Variants in ZCCHC24 observed in about 807,000 individuals in gnomAD.
ZCCHC24 encodes zinc finger CCHC-type containing 24.
A neutral mutation model predicts 26.2 loss-of-function variants in ZCCHC24; 10 were observed. That is an observed-to-expected ratio of 0.38 (90% CI 0.24 to 0.65). The LOEUF is 0.65. Ranked by LOEUF, ZCCHC24 falls within the 30% of genes least tolerant of loss-of-function variation. The pLI, the probability that ZCCHC24 is intolerant of heterozygous loss-of-function variation, is 0.54. For missense variants in ZCCHC24, 243 were observed against 329.1 expected (o/e 0.74, Z 2.03); for synonymous variants, 144 against 147.1 (o/e 0.98, Z 0.15).
In ZCCHC24 at chr10:79,394,126, C is replaced by T. The variant is rs113456413; in HGVS notation, c.612+150G>A. 190 of 1,166,178 alleles carry T rather than the reference C, an allele frequency of 1.6e-4. 1 individual carries two copies. The African/African-American group carries it at 2.4e-3, about 15-fold the overall frequency. The allele number at this position is 1,166,178 out of a possible 1,614,324, so 72.2% of individuals were successfully genotyped here. On this transcript the variant is annotated intron_variant, in intron 3 of 3. Transcript: ENST00000372336. The stretch of plus-strand genomic sequence containing the variant: ...GCAGTTGCCCCATCATCCTCCTTCC[C>T]TTCCCTTCCCTCCCATTTCAGATGA...
At chr10:79,401,575 G>C (rs950557674) in intron 2 of ZCCHC24, among the ~76,000 whole-genome samples, 1 of 152,208 alleles carries the variant, frequency 6.6e-6, no homozygotes, top group Non-Finnish European at 1.5e-5. Flanking sequence ...CCGGGATGGT[G>C]AGAAACGGGA....
intron 2 of ZCCHC24, among the ~76,000 whole-genome samples, chr10:79,419,451 C>G (rs1856910504): frequency 6.6e-6 from 1 of 152,212 alleles, no homozygotes. Flanking sequence ...ACTCCGCTGC[C>G]TGGGGCTCTC....
chr10:79,407,507 T>C (rs1471020535), intron 2 of ZCCHC24, among the ~76,000 whole-genome samples: 2 of 152,120 alleles, frequency 1.3e-5, no homozygotes. Flanking sequence ...GGCCCCAGAG[T>C]CTCAGAATCA....
Position 79,394,436 on chromosome 10 carries a change from C to G in ZCCHC24, c.452G>C (p.Arg151Pro). ...TGGAGTCAGGCCCTCGCCTTTGGGG[C>G]GTGCCTACAGGGCAGGAAGCAAACA... ...GHYIKDCPQA[R>P]PKGEGLTPYQ... The change falls in exon 3 of 4, where the codon CGC becomes CCC. Residue 151 changes from arginine to proline, a missense_variant. By Grantham distance (103) the Arg-to-Pro change is moderately radical. Coordinates refer to ENST00000372336, the MANE Select transcript of ZCCHC24 (RefSeq NM_153367.4). The G allele has an allele frequency of 6.2e-7, 1 of 1,613,524 alleles. No homozygotes were observed. Among genetic ancestry groups the G allele is most frequent in the Non-Finnish European group, 8.5e-7 (1 of 1,179,594 alleles).
At chr10:79,423,508 G>A (rs1268084765) in intron 2 of ZCCHC24, among the ~76,000 whole-genome samples, 4 of 142,434 alleles carry the variant, frequency 2.8e-5, no homozygotes, top group East Asian at 2.1e-4. Context: ...CTGAAATGGC[G>A]CCACTGGACT....
intron 1 of ZCCHC24, among the ~76,000 whole-genome samples, chr10:79,437,724 C>A (rs11002984): frequency 1.3e-5 from 2 of 152,078 alleles, no homozygotes; most frequent in East Asian, 1.9e-4. Context: ...GGGGTGCAGG[C>A]CCTGGGCATG....
intron 1 of ZCCHC24, among the ~76,000 whole-genome samples, chr10:79,442,762 T>C (rs1209059299): frequency 6.6e-6 from 1 of 152,168 alleles, no homozygotes; most frequent in African/African-American, 2.4e-5. Flanking sequence ...TTTTCTTGCC[T>C]TCTCAGCCAG....
intron 2 of ZCCHC24, among the ~76,000 whole-genome samples, chr10:79,418,996 GC>G (rs1564637276): frequency 5.3e-5 from 8 of 152,208 alleles, no homozygotes; most frequent in African/African-American, 1.7e-4. Context: ...AGGCCTTGAG[GC>G]TGAGAAGCCC....
chr10:79,393,497 G>C (rs1054999486), intron 3 of ZCCHC24, among the ~76,000 whole-genome samples: 1 of 152,178 alleles, frequency 6.6e-6, no homozygotes, highest in Non-Finnish European at 1.5e-5. Context: ...CACCTCCAGA[G>C]TTCAGTCCCC....
chr10:79,419,582 C>A (rs893957989), intron 2 of ZCCHC24, among the ~76,000 whole-genome samples: 1 of 152,116 alleles, frequency 6.6e-6, no homozygotes, highest in Admixed American at 6.5e-5. Flanking sequence ...GAGGGGCAGG[C>A]CAAGGGCCTG....
chr10:79,390,932 G>A (rs531211396), intron 3 of ZCCHC24, among the ~76,000 whole-genome samples: 8 of 152,284 alleles, frequency 5.3e-5, no homozygotes, highest in African/African-American at 1.9e-4. Flanking sequence ...GGGGAGCACC[G>A]CCGCTGGGCT....
intron 2 of ZCCHC24, among the ~76,000 whole-genome samples, chr10:79,403,255 A>G (rs1486346134): frequency 6.6e-6 from 1 of 152,362 alleles, no homozygotes; most frequent in Non-Finnish European, 1.5e-5. Context: ...ATCTCTGATC[A>G]CTGCCACGGC....
intron 1 of ZCCHC24, among the ~76,000 whole-genome samples, chr10:79,438,251 CCT>C (rs1347911466): frequency 6.6e-6 from 1 of 152,200 alleles, no homozygotes; most frequent in Non-Finnish European, 1.5e-5. Flanking sequence ...CACCCACACT[CCT>C]CTGTTTGGGA....
Position 79,382,734 on chromosome 10 carries a change from T to G in ZCCHC24, c.*3611A>C, listed in dbSNP as rs1227181486. Reference sequence around the variant, plus strand: ...GGTTGGATTAAATATTCGTTTAGAGTAGATTCAAGTCTATTAGATGCTGGA... The same window carrying G: ...GGTTGGATTAAATATTCGTTTAGAGGAGATTCAAGTCTATTAGATGCTGGA... On this transcript the variant is annotated 3_prime_UTR_variant, in exon 4 of 4. Coordinates refer to ENST00000372336, the MANE Select transcript of ZCCHC24 (RefSeq NM_153367.4). The G allele has an allele frequency of 6.5e-6, 1 of 152,744 alleles. No homozygotes were observed. Among genetic ancestry groups the G allele is most frequent in the Non-Finnish European group, 1.5e-5 (1 of 68,052 alleles). The allele number at this position is 152,744 out of a possible 1,614,324, so 9.5% of individuals were successfully genotyped here.
intron 3 of ZCCHC24, 36 bp downstream of exon 3, chr10:79,394,240 G>C (rs376563016): frequency 6.2e-7 from 1 of 1,600,252 alleles, no homozygotes; most frequent in Admixed American, 1.7e-5. Context: ...GCCCTCCCGC[G>C]GTCCTTCTGA....
intron 1 of ZCCHC24, among the ~76,000 whole-genome samples, chr10:79,439,631 C>T (rs1040013574): frequency 1.3e-5 from 2 of 152,032 alleles, no homozygotes; most frequent in South Asian, 4.1e-4. Context: ...TTCAGACATG[C>T]TTTACAAAAA....
intron 3 of ZCCHC24, among the ~76,000 whole-genome samples, chr10:79,392,064 C>T (rs1222612166): frequency 1.3e-5 from 2 of 151,964 alleles, no homozygotes; most frequent in Non-Finnish European, 1.5e-5. Context: ...CCACCGGTCC[C>T]GTCTAGCTTC....
chr10:79,412,057 C>G (rs1424379345), intron 2 of ZCCHC24, among the ~76,000 whole-genome samples: 1 of 152,232 alleles, frequency 6.6e-6, no homozygotes, highest in Non-Finnish European at 1.5e-5. Context: ...TTTAGAAGCC[C>G]TGGAGCAAGG....
At chr10:79,435,457 C>G (rs1007903728) in intron 1 of ZCCHC24, among the ~76,000 whole-genome samples, 1 of 152,202 alleles carries the variant, frequency 6.6e-6, no homozygotes, top group Non-Finnish European at 1.5e-5. Flanking sequence ...CAGCTCGACA[C>G]CCCACCCTCT....
Sources: gnomAD v4.1 joint callset for allele counts (sites outside exome capture counted in the v4.1 genomes callset) on GRCh38, gnomAD v4.1.1 for gene constraint, MANE v1.5 for transcripts, NCBI Gene and HGNC (gene_info 2026-07-23, HGNC 2026-07-21) for gene names.